Variants in STAM observed in about 807,000 individuals in gnomAD.
STAM encodes the protein signal transducing adaptor molecule, also known as signal transducing adapter molecule 1.
STAM carries 16 observed loss-of-function variants against 63.4 expected under a neutral mutation model. The observed-to-expected ratio is 0.25, with a 90% CI of 0.17 to 0.38. STAM has a LOEUF of 0.38. Among genes scored for constraint, STAM ranks in the 10% least tolerant of loss-of-function variants. The pLI, the probability that STAM is intolerant of heterozygous loss-of-function variation, is 1.00. For synonymous variants in STAM, 238 were observed against 223.9 expected (o/e 1.06, Z -0.56); for missense variants, 636 against 657.1 (o/e 0.97, Z 0.35).
At chr10:17,671,435 A>G (rs781890078) in intron 2 of STAM, among the ~76,000 whole-genome samples, 1 of 152,248 alleles carries the variant, frequency 6.6e-6, no homozygotes, top group South Asian at 2.1e-4. Context: ...ATAAGGAGGT[A>G]TTAGACATCT....
At position 17,714,769 on chromosome 10, in the gene STAM, G is replaced by T; in HGVS notation, c.1612G>T (p.Ala538Ser). 6.2e-7 allele frequency: 1 copy of T among 1,613,992 alleles called. No individual in the cohort carries two copies. Among genetic ancestry groups the T allele is most frequent in the Non-Finnish European group, 8.5e-7 (1 of 1,179,978 alleles). The change falls in exon 14 of 14, where the codon GCT becomes TCT. Residue 538 changes from alanine (A) to serine (S), a missense_variant. Transcript: ENST00000377524. The part of the protein sequence containing the change: ...PQPQQPYSQK[A>S]LL ...GCCACAGCAACCATATTCTCAGAAG[G>T]CTCTGCTATAGGACCCGGTGTTCCT...
chr10:17,647,601 C>T (rs1315850943), intron 1 of STAM, among the ~76,000 whole-genome samples: 1 of 152,002 alleles, frequency 6.6e-6, no homozygotes, highest in Non-Finnish European at 1.5e-5. Context: ...AGGTTTGCTG[C>T]TTACCGGTAG....
intron 4 of STAM, among the ~76,000 whole-genome samples, chr10:17,687,461 C>G (rs1260570293): frequency 2.0e-5 from 3 of 151,780 alleles, no homozygotes; most frequent in East Asian, 3.9e-4. Context: ...TGCAGTCCGG[C>G]TTCTGCCACA....
At chr10:17,682,622 CT>C (rs1835132152) in intron 2 of STAM, among the ~76,000 whole-genome samples, 1 of 152,042 alleles carries the variant, frequency 6.6e-6, no homozygotes, top group Non-Finnish European at 1.5e-5. Flanking sequence ...CTTTGTATGA[CT>C]TTAGTCCTTT....
intron 1 of STAM, among the ~76,000 whole-genome samples, chr10:17,655,058 A>G (rs782163093): frequency 1.3e-5 from 2 of 152,202 alleles, no homozygotes; most frequent in Non-Finnish European, 2.9e-5. Flanking sequence ...TTCTAAATAC[A>G]TCGGGAAGCC....
At chr10:17,706,750 C>T (rs1836302355) in intron 12 of STAM, among the ~76,000 whole-genome samples, 1 of 152,066 alleles carries the variant, frequency 6.6e-6, no homozygotes, top group African/African-American at 2.4e-5. Flanking sequence ...AGGTTGTGTA[C>T]ACTCAATATG....
intron 1 of STAM, among the ~76,000 whole-genome samples, chr10:17,657,714 C>T (rs1408194893): frequency 6.6e-6 from 1 of 152,118 alleles, no homozygotes; most frequent in African/African-American, 2.4e-5. Flanking sequence ...GGCATTGGTC[C>T]ATTTCATCTA....
chr10:17,646,749 C>G (rs1172018877), intron 1 of STAM, among the ~76,000 whole-genome samples: 1 of 152,176 alleles, frequency 6.6e-6, no homozygotes. Context: ...ATAAGCCTTG[C>G]ACAGAGTCCA....
intron 9 of STAM, among the ~76,000 whole-genome samples, chr10:17,702,024 A>G (rs1836020830): frequency 6.6e-6 from 1 of 152,200 alleles, no homozygotes; most frequent in Admixed American, 6.5e-5. Flanking sequence ...TTCAGAAGAT[A>G]CCGAAAGAAC....
At chr10:17,654,312 T>G (rs1355784683) in intron 1 of STAM, among the ~76,000 whole-genome samples, 1 of 152,132 alleles carries the variant, frequency 6.6e-6, no homozygotes, top group African/African-American at 2.4e-5. Flanking sequence ...AAGCTCCACC[T>G]CCCAGGTTCA....
chr10:17,645,444 C>G (rs187287536), intron 1 of STAM, among the ~76,000 whole-genome samples: 5 of 152,252 alleles, frequency 3.3e-5, no homozygotes, highest in African/African-American at 1.2e-4. Flanking sequence ...GAAAAAAGTT[C>G]ACTCCTTACC....
chr10:17,659,161 A>G (rs926913644), intron 1 of STAM, among the ~76,000 whole-genome samples: 4 of 151,946 alleles, frequency 2.6e-5, no homozygotes, highest in East Asian at 1.9e-4. Context: ...TACATTCACA[A>G]CTAATCCAAG....
At chr10:17,676,892 T>G (rs1427735916) in intron 2 of STAM, among the ~76,000 whole-genome samples, 3 of 148,816 alleles carry the variant, frequency 2.0e-5, no homozygotes, top group African/African-American at 7.3e-5. Flanking sequence ...ATTTAATAAT[T>G]ATACATATAT....
chr10:17,705,323 C>T (rs574751212), intron 11 of STAM, among the ~76,000 whole-genome samples: 3 of 152,204 alleles, frequency 2.0e-5, no homozygotes, highest in African/African-American at 7.2e-5. Context: ...CACAAATGAC[C>T]CATATGTTAG....
At chr10:17,666,742 C>T (rs1196618101) in intron 2 of STAM, among the ~76,000 whole-genome samples, 2 of 152,060 alleles carry the variant, frequency 1.3e-5, no homozygotes, top group East Asian at 1.9e-4. Context: ...TGACTATTTC[C>T]GGCCTTCAGT....
At chr10:17,691,722 A>T (rs1276112752) in intron 5 of STAM, among the ~76,000 whole-genome samples, 3 of 152,192 alleles carry the variant, frequency 2.0e-5, no homozygotes, top group African/African-American at 7.2e-5. Context: ...TAATCAGACA[A>T]TTATAACAGA....
intron 2 of STAM, among the ~76,000 whole-genome samples, chr10:17,669,665 C>T (rs1554823812): frequency 6.7e-6 from 1 of 150,034 alleles, no homozygotes; most frequent in Non-Finnish European, 1.5e-5. Context: ...GTTTTTCTTT[C>T]ACTGATTGGG....
intron 2 of STAM, among the ~76,000 whole-genome samples, chr10:17,667,474 T>G (rs899989060): frequency 3.0e-4 from 45 of 152,254 alleles, no homozygotes; most frequent in African/African-American, 1.1e-3. Flanking sequence ...TCACTCAGTT[T>G]CGTAACATGG....
intron 2 of STAM, among the ~76,000 whole-genome samples, chr10:17,663,873 A>G (rs1314496219): frequency 6.6e-6 from 1 of 152,066 alleles, no homozygotes; most frequent in Non-Finnish European, 1.5e-5. Flanking sequence ...CTCCCTTGAT[A>G]ATCTCATATT....
Sources: gnomAD v4.1 joint callset for allele counts (sites outside exome capture counted in the v4.1 genomes callset) on GRCh38, gnomAD v4.1.1 for gene constraint, MANE v1.5 for transcripts, NCBI Gene and HGNC (gene_info 2026-07-23, HGNC 2026-07-21) for gene names.